Variants in TRPV2 observed in about 807,000 individuals in gnomAD.
TRPV2 encodes OTRPC2.
A neutral mutation model predicts 91.0 loss-of-function variants in TRPV2; 58 were observed. The observed-to-expected ratio is 0.64, with a 90% CI of 0.52 to 0.79. The LOEUF is 0.79. Ranked by LOEUF, TRPV2 falls within the 30% of genes least tolerant of loss-of-function variation. The pLI is 0.00. For missense variants in TRPV2, 807 were observed against 969.6 expected (o/e 0.83, Z 2.23); for synonymous variants, 417 against 414.8 (o/e 1.01, Z -0.06).
exon 15 of TRPV2, chr17:16,436,994 CACTA>C (rs895373032): frequency 5.0e-5 from 44 of 871,956 alleles, no homozygotes; most frequent in Non-Finnish European, 7.4e-5. Context: ...TATATATTTT[CACTA>C]ACTAACTCTT....
At chr17:16,416,434 C>T (rs191500268) in intron 1 of TRPV2, 3 of 153,490 alleles carry the variant, frequency 2.0e-5, no homozygotes, top group African/African-American at 4.8e-5. Context: ...TTCCCCAACC[C>T]TGACCGAGGC....
rs368966380 is a variant in TRPV2, at chr17:16,422,918, G to A, written c.625+29G>A. Reference sequence around the variant, plus strand: ...AGTGAGCCTTTCTTGGATAAATCGAGGCAAAGAGAGAGTAAGGCCTGGTTC... The same window carrying A: ...AGTGAGCCTTTCTTGGATAAATCGAAGCAAAGAGAGAGTAAGGCCTGGTTC... On this transcript the variant is annotated intron_variant, in intron 4 of 14. Transcript: ENST00000338560. 7.6e-4 allele frequency: 1,176 copies of A among 1,546,156 alleles called. 2 individuals carry two copies. The highest frequency in any genetic ancestry group is 1.0e-3 in the Non-Finnish European group (1,143 of 1,145,086).
rs111906961 is a variant in TRPV2 at position 16,431,683 on chromosome 17, C to T, written c.1588-101C>T. 1,008 of 1,016,070 alleles carry T rather than the reference C, an allele frequency of 9.9e-4. 9 individuals carry two copies. In the African/African-American group the frequency reaches 0.013, roughly 13 times the overall value. 62.9% of individuals were successfully genotyped at this position (1,016,070 alleles called of 1,614,324 possible). A position where few individuals can be genotyped will look rare whatever the true frequency, so the allele number is the denominator to read the frequency against. ...ATGCATATGTATGTGTGCGTATGTG[C>T]AGTGTACACGGGAACCATGCTGCTG... On this transcript the variant is annotated intron_variant, in intron 10 of 14. Transcript: ENST00000338560.
intron 5 of TRPV2, among the ~76,000 whole-genome samples, chr17:16,424,130 C>T (rs952525620): frequency 1.3e-5 from 2 of 151,364 alleles, no homozygotes; most frequent in African/African-American, 4.9e-5. Context: ...GCTGGGATTA[C>T]AGGCATGTGC....
At chr17:16,417,461 C>G (rs182102614) in intron 1 of TRPV2, 101 bp from the exon 2 acceptor site, 4 of 520,016 alleles carry the variant, frequency 7.7e-6, no homozygotes, top group African/African-American at 7.7e-5. Flanking sequence ...TCAGGCTGGT[C>G]TCTAACAGCT....
In TRPV2 at chr17:16,422,952, A is replaced by G. The variant is rs889294809; in HGVS notation, c.625+63A>G. 4.6e-6 allele frequency: 7 copies of G among 1,513,552 alleles called. No individual in the cohort carries two copies. In the African/African-American group the frequency reaches 5.5e-5, roughly 12 times the overall value. The allele number at this position is 1,513,552 out of a possible 1,614,324, so 93.8% of individuals were successfully genotyped here. On this transcript the variant is annotated intron_variant, in intron 4 of 14. Coordinates refer to ENST00000338560, the MANE Select transcript of TRPV2 (RefSeq NM_016113.5). The stretch of plus-strand genomic sequence containing the variant: ...AGAGTAAGGCCTGGTTCAAGGTCAC[A>G]TGGTTAGTGTATGACAGAGCTGGCA...
At chr17:16,433,973 C>T (rs1171283152) in intron 13 of TRPV2, among the ~76,000 whole-genome samples, 1 of 152,172 alleles carries the variant, frequency 6.6e-6, no homozygotes, top group Non-Finnish European at 1.5e-5. Context: ...AAATGTGTTA[C>T]GGTAAGGAGG....
chr17:16,428,313 G>T lies in TRPV2; in HGVS notation c.1351-4G>T, dbSNP rs201142576. 3 of 1,614,112 alleles carry T rather than the reference G, an allele frequency of 1.9e-6. No homozygotes were observed. The South Asian group carries it at 3.3e-5, about 18-fold the overall frequency. On this transcript the variant is annotated splice_region_variant and splice_polypyrimidine_tract_variant and intron_variant, in intron 8 of 14. Transcript: ENST00000338560. ...ACAGCCCTCTGTCCTCCCTTCCTCCGCAGCTGTGGTACTTCTGGCGGCGCC... is the reference window on the plus strand; with the variant it reads ...ACAGCCCTCTGTCCTCCCTTCCTCCTCAGCTGTGGTACTTCTGGCGGCGCC...
intron 3 of TRPV2, 133 bp from the exon 4 acceptor site, chr17:16,422,466 C>T: frequency 1.2e-6 from 1 of 836,848 alleles, no homozygotes. Flanking sequence ...GTTGTGCTCC[C>T]ACCAGTTATG....
At chr17:16,434,349 T>A (rs2093426149) in intron 13 of TRPV2, among the ~76,000 whole-genome samples, 2 of 150,984 alleles carry the variant, frequency 1.3e-5, no homozygotes, top group African/African-American at 4.9e-5. Flanking sequence ...GCGCCTGTAG[T>A]CCCAGCTACT....
Position 16,435,979 on chromosome 17 carries a change from C to T in TRPV2, c.2195-810C>T, listed in dbSNP as rs1426440601. Among the ~76,000 whole-genome samples the T allele has an allele frequency of 6.6e-6, 1 of 152,206 alleles. No individual in the cohort carries two copies. Among genetic ancestry groups the T allele is most frequent in the Non-Finnish European group, 1.5e-5 (1 of 68,020 alleles). ...TCCACACCCCACTGCCTGCTGGGGC[C>T]TCCAATGTGACATTCCCAACAGGAA... On this transcript the variant is annotated intron_variant, in intron 14 of 14. Coordinates refer to ENST00000338560, the MANE Select transcript of TRPV2 (RefSeq NM_016113.5). The surrounding 1 kb of genome is among the most constrained non-coding windows in gnomAD (Gnocchi z 4.2).
intron 3 of TRPV2, among the ~76,000 whole-genome samples, chr17:16,422,370 G>T (rs867288962): frequency 4.3e-4 from 64 of 148,956 alleles, no homozygotes; most frequent in Middle Eastern, 3.5e-3. Flanking sequence ...GAAAAAAAAA[G>T]AAATTTCGTT....
chr17:16,417,460 TCTCTAACAGCTGAC>T, intron 1 of TRPV2, 88 bp from the exon 2 acceptor site: 1 of 515,522 alleles, frequency 1.9e-6, no homozygotes, highest in South Asian at 2.1e-5. Context: ...GTCAGGCTGG[TCTCTAACAGCTGAC>T]CAGCCAGCCT....
rs780267364 is a variant in TRPV2, at chr17:16,417,883, G to C, written c.200+15G>C. ...ACAGGTGCCAGGTGAGACAGCAAGT[G>C]GGGGCAGGGCAAAGGGGGCCCCCTG... is the stretch of plus-strand genomic sequence containing the variant. On this transcript the variant is annotated intron_variant, in intron 2 of 14. Transcript: ENST00000338560. 102 of 1,611,778 alleles carry C rather than the reference G, an allele frequency of 6.3e-5. No individual in the cohort carries two copies. The highest frequency in any genetic ancestry group is 8.4e-5 in the Non-Finnish European group (99 of 1,178,878).
chr17:16,427,332 GT>G, intron 7 of TRPV2, 116 bp from the exon 8 acceptor site: 2 of 933,714 alleles, frequency 2.1e-6, no homozygotes, highest in Non-Finnish European at 3.3e-6. Context: ...TTCCCATGCC[GT>G]TCTGAGGAGC....
chr17:16,422,873 G>T lies in TRPV2; in HGVS notation c.609G>T (p.Gly203=). ...GCCGCTTCTTCCAGAAGGGCCAAGG[G>T]ACTTGCTTTTATTTCGGTGAGTGAG... The part of the protein sequence containing the change: ...ACGRFFQKGQ[G]TCFYFGELPL... The change falls in exon 4 of 15, where the codon GGG becomes GGT. Residue 203 remains glycine, a synonymous_variant. Coordinates refer to ENST00000338560, the MANE Select transcript of TRPV2 (RefSeq NM_016113.5). 6.4e-7 allele frequency: 1 copy of T among 1,564,688 alleles called. No individual in the cohort carries two copies. The highest frequency in any genetic ancestry group is 1.2e-5 in the South Asian group (1 of 85,356).
chr17:16,436,917 G>C lies in TRPV2; in HGVS notation c.*28G>C, dbSNP rs750854811. 6.4e-7 allele frequency: 1 copy of C among 1,573,452 alleles called. No individual in the cohort carries two copies. The highest frequency in any genetic ancestry group is 8.7e-7 in the Non-Finnish European group (1 of 1,143,092). On this transcript the variant is annotated 3_prime_UTR_variant, in exon 15 of 15. Coordinates refer to ENST00000338560, the MANE Select transcript of TRPV2 (RefSeq NM_016113.5). Reference sequence around the variant, plus strand: ...GCCCAGATGCAGCAGGAGGCCAGAGGACAGAGCAGAGGATCTTTCCAACCA... The same window carrying C: ...GCCCAGATGCAGCAGGAGGCCAGAGCACAGAGCAGAGGATCTTTCCAACCA...
At chr17:16,433,991 G>A (rs549624779) in intron 13 of TRPV2, among the ~76,000 whole-genome samples, 1 of 152,344 alleles carries the variant, frequency 6.6e-6, no homozygotes, top group African/African-American at 2.4e-5. Flanking sequence ...AGGCCAAGAA[G>A]TCAGAGGGAC....
rs116272250 is a variant in TRPV2 at position 16,421,909 on chromosome 17, C to T, written c.335-690C>T. ...AGATTAAGAGAGGCCACGTGACTTGCCAGAGGAGATAGAGACATTAAGTGG... is the reference window on the plus strand; with the variant it reads ...AGATTAAGAGAGGCCACGTGACTTGTCAGAGGAGATAGAGACATTAAGTGG... On this transcript the variant is annotated intron_variant, in intron 3 of 14. Coordinates refer to ENST00000338560, the MANE Select transcript of TRPV2 (RefSeq NM_016113.5). Among the ~76,000 whole-genome samples, 360 of 152,234 alleles carry T rather than the reference C, an allele frequency of 2.4e-3. 2 individuals carry two copies. Among genetic ancestry groups the T allele is most frequent in the African/African-American group, 8.2e-3 (340 of 41,526 alleles).
Sources: allele counts gnomAD v4.1 joint callset (sites outside exome capture counted in the v4.1 genomes callset), GRCh38; gene constraint gnomAD v4.1.1; non-coding constraint Gnocchi (gnomAD v3.1); transcripts MANE v1.5; gene names NCBI Gene and HGNC (gene_info 2026-07-23, HGNC 2026-07-21).